The following NTRK2 variants were observed in gnomAD, a reference collection of about 807,000 sequenced individuals.
The protein encoded by NTRK2 is BDNF/NT-3 growth factors receptor.
NTRK2 carries 13 observed loss-of-function variants against 94.5 expected under a neutral mutation model. The observed-to-expected ratio is 0.14, with a 90% confidence interval of 0.09 to 0.22. NTRK2 has a LOEUF of 0.22. Among genes scored for constraint, NTRK2 ranks in the 10% least tolerant of loss-of-function variants. The pLI is 1.00. For missense variants in NTRK2, 639 were observed against 1,071.2 expected (o/e 0.60, Z 5.63); for synonymous variants, 372 against 407.4 (o/e 0.91, Z 1.05).
chr9:84,693,838 T>A (rs2060202912), intron 2 of NTRK2, among the ~76,000 whole-genome samples: 1 of 152,200 alleles, frequency 6.6e-6, no homozygotes, highest in African/African-American at 2.4e-5. Context: ...CTACCAATTA[T>A]TTTCCAGGCA....
intron 12 of NTRK2, among the ~76,000 whole-genome samples, chr9:84,824,963 T>C (rs980890330): frequency 2.0e-5 from 3 of 152,120 alleles, no homozygotes; most frequent in Non-Finnish European, 4.4e-5. Context: ...ACCTCTGGAT[T>C]TTGTGGGTTC....
At chr9:84,761,480 ATAT>A (rs2065560159) in intron 12 of NTRK2, among the ~76,000 whole-genome samples, 1 of 152,178 alleles carries the variant, frequency 6.6e-6, no homozygotes, top group Non-Finnish European at 1.5e-5. Flanking sequence ...AAGACCAGAA[ATAT>A]TATAATAGTA....
chr9:84,865,848 G>A (rs184612808), intron 13 of NTRK2, among the ~76,000 whole-genome samples: 30 of 152,236 alleles, frequency 2.0e-4, no homozygotes, highest in Non-Finnish European at 2.9e-4. Context: ...CACCTCCCAC[G>A]TAGACAGTGC....
At chr9:84,695,849 G>T (rs905900538) in intron 2 of NTRK2, among the ~76,000 whole-genome samples, 21 of 151,932 alleles carry the variant, frequency 1.4e-4, no homozygotes, top group African/African-American at 4.8e-4. Context: ...TTTCTTTTTG[G>T]CTCATCATAT....
chr9:84,739,720 T>A (rs2063503566), intron 9 of NTRK2, among the ~76,000 whole-genome samples: 1 of 152,100 alleles, frequency 6.6e-6, no homozygotes, highest in African/African-American at 2.4e-5. Context: ...CCTCCCAGGC[T>A]AAGGAGTGAA....
chr9:84,987,212 G>A (rs1260941521), intron 17 of NTRK2, among the ~76,000 whole-genome samples: 3 of 152,310 alleles, frequency 2.0e-5, no homozygotes, highest in East Asian at 3.9e-4. Context: ...TGTTAATTGA[G>A]CACCATTAGC....
chr9:84,738,058 A>G (rs1315811659), intron 9 of NTRK2, among the ~76,000 whole-genome samples: 1 of 151,222 alleles, frequency 6.6e-6, no homozygotes, highest in Non-Finnish European at 1.5e-5. Context: ...GATCATAGAC[A>G]GTCTGCTGCT....
At chr9:84,689,758 C>A (rs528586834) in intron 2 of NTRK2, among the ~76,000 whole-genome samples, 1 of 152,280 alleles carries the variant, frequency 6.6e-6, no homozygotes, top group East Asian at 1.9e-4. Context: ...AATTGAAACT[C>A]TGTACCCTTC....
chr9:84,675,338 T>C lies in NTRK2; in HGVS notation c.212+4378T>C, dbSNP rs2131326198. Among the ~76,000 whole-genome samples the C allele has an allele frequency of 2.1e-5, 3 of 143,468 alleles. 1 individual carries two copies. The highest frequency in any genetic ancestry group is 2.3e-4 in the South Asian group (1 of 4,322). 94.1% of individuals were successfully genotyped at this position (143,468 alleles called of 152,430 possible). ...TTCTTTCTTTCCTTTTTTTTTTTTT[T>C]TTTTTTTTTTTTTGCCTTGAGTGTT... On this transcript the variant is annotated intron_variant, in intron 2 of 18. Transcript: ENST00000277120.
At chr9:84,751,015 AACTT>A (rs1258637586) in intron 11 of NTRK2, among the ~76,000 whole-genome samples, 1 of 152,128 alleles carries the variant, frequency 6.6e-6, no homozygotes, top group Non-Finnish European at 1.5e-5. Context: ...TACATTTTTA[AACTT>A]ACTTAAACAT....
intron 12 of NTRK2, among the ~76,000 whole-genome samples, chr9:84,793,385 A>G (rs1448305506): frequency 3.9e-5 from 6 of 152,196 alleles, no homozygotes; most frequent in East Asian, 3.9e-4. Context: ...TGCTGTCGGC[A>G]TAACCTAAAT....
At chr9:84,742,609 G>A (rs2063730861) in intron 10 of NTRK2, among the ~76,000 whole-genome samples, 1 of 151,976 alleles carries the variant, frequency 6.6e-6, no homozygotes, top group African/African-American at 2.4e-5. Flanking sequence ...GACCCAATTG[G>A]GTCATAGTCC....
At chr9:84,869,985 G>A (rs73476406) in intron 14 of NTRK2, among the ~76,000 whole-genome samples, 3,382 of 150,890 alleles carry the variant, frequency 0.022, 139 homozygotes, top group African/African-American at 0.077. Context: ...AATTGTAGTC[G>A]TGCAGAAATT....
intron 2 of NTRK2, among the ~76,000 whole-genome samples, chr9:84,695,114 A>G (rs1210506854): frequency 1.3e-5 from 2 of 151,426 alleles, no homozygotes; most frequent in African/African-American, 2.4e-5. Context: ...GTATCTATCT[A>G]TTTTATTGAT....
At chr9:84,795,867 C>CT (rs754659386) in intron 12 of NTRK2, among the ~76,000 whole-genome samples, 2 of 152,116 alleles carry the variant, frequency 1.3e-5, no homozygotes, top group Non-Finnish European at 2.9e-5. Context: ...CTCTGTTGGG[C>CT]TGCAAGTATG....
chr9:84,876,618 A>G lies in NTRK2; in HGVS notation c.1633+9187A>G, dbSNP rs1033435558. 5 of 1,058,468 alleles carry G rather than the reference A, an allele frequency of 4.7e-6. No homozygotes were observed. The African/African-American group carries it at 8.2e-5, about 17-fold the overall frequency. 65.6% of individuals were successfully genotyped at this position (1,058,468 alleles called of 1,614,324 possible). A position where few individuals can be genotyped will look rare whatever the true frequency, so the allele number is the denominator to read the frequency against. On this transcript the variant is annotated intron_variant, in intron 14 of 18. Transcript: ENST00000277120. ...CTATCTTGGTTTTACTTCCATAAAC[A>G]TCAATATCTTTACCCACATGATTTT...
intron 12 of NTRK2, among the ~76,000 whole-genome samples, chr9:84,790,463 G>A (rs1009518019): frequency 6.6e-6 from 1 of 152,214 alleles, no homozygotes; most frequent in South Asian, 2.1e-4. Context: ...TGGCTTGGGT[G>A]AGGGACGAGG....
At chr9:84,971,518 G>A (rs1002553185) in intron 17 of NTRK2, among the ~76,000 whole-genome samples, 1 of 152,226 alleles carries the variant, frequency 6.6e-6, no homozygotes, top group Admixed American at 6.5e-5. Context: ...GAAACAATGA[G>A]CAGGAAGGCC....
At chr9:84,805,500 T>A (rs79903316) in intron 12 of NTRK2, among the ~76,000 whole-genome samples, 4,988 of 152,206 alleles carry the variant, frequency 0.033, 144 homozygotes, top group Admixed American at 0.083. Flanking sequence ...CTGAGAAAAA[T>A]GTGATTTCGT....
Sources: gnomAD v4.1 joint callset for allele counts (sites outside exome capture counted in the v4.1 genomes callset) on GRCh38, gnomAD v4.1.1 for gene constraint, MANE v1.5 for transcripts, NCBI Gene and HGNC (gene_info 2026-07-23, HGNC 2026-07-21) for gene names.